The following ANO10 variants were observed in gnomAD, a reference collection of about 807,000 sequenced individuals.
ANO10 encodes anoctamin-10.
In ANO10, 77 loss-of-function variants were observed where a neutral mutation model predicts 74.7. That is an observed-to-expected ratio of 1.03 (90% confidence interval 0.86 to 1.25). The LOEUF (loss-of-function observed/expected upper bound fraction) is 1.25, where lower values mean the gene tolerates loss of function less well. ANO10 is among the 50% of genes most tolerant of loss of function. The pLI is 0.00. For missense variants in ANO10, 721 were observed against 778.1 expected, an observed-to-expected ratio of 0.93 and a Z score of 0.87; for synonymous variants, 279 against 284.9, an observed-to-expected ratio of 0.98 and a Z score of 0.21.
chr3:43,640,325 G>A (rs1230913787), intron 1 of ANO10, among the ~76,000 whole-genome samples: 1 of 152,150 alleles, frequency 6.6e-6, no homozygotes, highest in Non-Finnish European at 1.5e-5. Context: ...CCAACAAAAA[G>A]CATGGTGAAG....
chr3:43,491,909 A>G (rs140447322), intron 11 of ANO10, among the ~76,000 whole-genome samples: 1 of 152,340 alleles, frequency 6.6e-6, no homozygotes, highest in African/African-American at 2.4e-5. Context: ...ACCATAAATT[A>G]AAACATAAAG....
intron 11 of ANO10, among the ~76,000 whole-genome samples, chr3:43,435,374 T>G (rs1480979250): frequency 2.0e-5 from 3 of 152,188 alleles, no homozygotes; most frequent in Non-Finnish European, 4.4e-5. Context: ...CCAGGCATGG[T>G]GGCAGACATC....
At chr3:43,533,317 A>G (rs1297889172) in intron 11 of ANO10, among the ~76,000 whole-genome samples, 1 of 152,230 alleles carries the variant, frequency 6.6e-6, no homozygotes, top group Non-Finnish European at 1.5e-5. Context: ...GCCTCCAAGT[A>G]TCTCTCCTCG....
chr3:43,457,835 A>G (rs17473616), intron 11 of ANO10, among the ~76,000 whole-genome samples: 7,449 of 152,258 alleles, frequency 0.049, 205 homozygotes, highest in Non-Finnish European at 0.06. Context: ...AGGAGCTGCC[A>G]CTTGAAATGC....
chr3:43,518,160 T>C (rs2077791382), intron 11 of ANO10, among the ~76,000 whole-genome samples: 1 of 152,190 alleles, frequency 6.6e-6, no homozygotes, highest in Non-Finnish European at 1.5e-5. Context: ...AGGGACCTGC[T>C]GAAGCTGTGA....
At chr3:43,660,356 G>A (rs1319828110) in intron 1 of ANO10, among the ~76,000 whole-genome samples, 2 of 151,942 alleles carry the variant, frequency 1.3e-5, no homozygotes, top group Non-Finnish European at 2.9e-5. Flanking sequence ...CTTGAAAAAA[G>A]GTTAGATCAA....
chr3:43,635,970 TTTATATGGTGAATTC>T (rs2083604880), intron 1 of ANO10, among the ~76,000 whole-genome samples: 2 of 152,082 alleles, frequency 1.3e-5, no homozygotes, highest in East Asian at 3.9e-4. Flanking sequence ...CGTTAGCATT[TTTATATGGTGAATTC>T]TTATATGGTG....
At chr3:43,640,307 T>A (rs1468725138) in intron 1 of ANO10, among the ~76,000 whole-genome samples, 1 of 152,212 alleles carries the variant, frequency 6.6e-6, no homozygotes, top group African/African-American at 2.4e-5. Flanking sequence ...CATTCTGTTG[T>A]TTCTAAACCA....
chr3:43,633,608 T>C (rs1559378165), intron 1 of ANO10, among the ~76,000 whole-genome samples: 2 of 152,198 alleles, frequency 1.3e-5, no homozygotes, highest in Non-Finnish European at 2.9e-5. Flanking sequence ...TTGATGAATA[T>C]AGATATTTTA....
At chr3:43,521,372 G>A (rs1296675132) in intron 11 of ANO10, among the ~76,000 whole-genome samples, 1 of 152,164 alleles carries the variant, frequency 6.6e-6, no homozygotes, top group Admixed American at 6.5e-5. Flanking sequence ...GGTATTTACA[G>A]GGAAGCCTTA....
chr3:43,683,071 T>G (rs1452502138), intron 1 of ANO10, among the ~76,000 whole-genome samples: 14 of 152,152 alleles, frequency 9.2e-5, no homozygotes, highest in African/African-American at 2.9e-4. Context: ...GTGTTGGAAG[T>G]TCTGGCCAGG....
At chr3:43,399,215 C>G (rs1253501762) in intron 12 of ANO10, among the ~76,000 whole-genome samples, 2 of 152,236 alleles carry the variant, frequency 1.3e-5, no homozygotes, top group South Asian at 2.1e-4. Flanking sequence ...TAAATGTTAG[C>G]TGTTACTATT....
At chr3:43,674,096 T>C (rs145596857) in intron 1 of ANO10, among the ~76,000 whole-genome samples, 28 of 152,310 alleles carry the variant, frequency 1.8e-4, no homozygotes, top group African/African-American at 6.0e-4. Context: ...TTGTACTTCA[T>C]GTGTGGGATA....
chr3:43,551,265 T>C (rs1158621943), intron 10 of ANO10, among the ~76,000 whole-genome samples: 1 of 152,326 alleles, frequency 6.6e-6, no homozygotes, highest in Non-Finnish European at 1.5e-5. Flanking sequence ...TTTTGATAGA[T>C]AAATACGAAG....
intron 11 of ANO10, among the ~76,000 whole-genome samples, chr3:43,445,726 G>A (rs1263519846): frequency 4.0e-5 from 6 of 151,608 alleles, no homozygotes; most frequent in Admixed American, 1.3e-4. Flanking sequence ...TTTTTGAGAC[G>A]GGGTCTCACT....
chr3:43,366,433 G>C lies in ANO10; in HGVS notation c.*473C>G, dbSNP rs2091412902. 2 of 247,266 alleles carry C rather than the reference G, an allele frequency of 8.1e-6. No individual in the cohort carries two copies. Among genetic ancestry groups the C allele is most frequent in the African/African-American group, 2.2e-5 (1 of 45,392 alleles). 15.3% of individuals were successfully genotyped at this position (247,266 alleles called of 1,614,324 possible). ...AAAAGAGAACCAGGAAAGAGGTCCA[G>C]TGTGGGAAGCACTGCCTTACTGTAC... On this transcript the variant is annotated 3_prime_UTR_variant, in exon 13 of 13. Transcript: ENST00000292246.
Position 43,580,372 on chromosome 3 carries a change from A to T in ANO10, c.573T>A (p.Ala191=), listed in dbSNP as rs1415978516. ...KLEDTWYTRF[A]LKYQPIDSIR... ...ACATACCTATGGGCTGATACTTCAA[A>T]GCAAACCGAGTGTACCAGGTGTCCT... The change falls in exon 5 of 13, where the codon GCT becomes GCA. Residue 191 remains alanine (A), a synonymous_variant. Coordinates refer to ENST00000292246, the MANE Select transcript of ANO10 (RefSeq NM_018075.5). 1 of 1,614,038 alleles carries T rather than the reference A, an allele frequency of 6.2e-7. No homozygotes were observed. The highest frequency in any genetic ancestry group is 1.1e-5 in the South Asian group (1 of 91,080).
chr3:43,685,333 T>G (rs995541672), intron 1 of ANO10, among the ~76,000 whole-genome samples: 1 of 152,230 alleles, frequency 6.6e-6, no homozygotes, highest in East Asian at 1.9e-4. Flanking sequence ...TTTTTCCACA[T>G]ATCAATATGC....
At chr3:43,383,206 C>A (rs760612671) in intron 12 of ANO10, among the ~76,000 whole-genome samples, 3 of 152,092 alleles carry the variant, frequency 2.0e-5, no homozygotes, top group Non-Finnish European at 4.4e-5. Context: ...GTAATCCCAG[C>A]ACTTTGGGAG....
Sources: allele counts gnomAD v4.1 joint callset (sites outside exome capture counted in the v4.1 genomes callset), GRCh38; gene constraint gnomAD v4.1.1; transcripts MANE v1.5; gene names NCBI Gene and HGNC (gene_info 2026-07-23, HGNC 2026-07-21).